ATP10B: variants seen among roughly 807,000 people sequenced by gnomAD.
The protein encoded by ATP10B is phospholipid-transporting ATPase VB.
Under a neutral mutation model 141.2 loss-of-function variants are expected in ATP10B, and 122 were observed. That is an observed-to-expected ratio of 0.86 (90% CI 0.75 to 1.00). ATP10B has a LOEUF of 1.00. Ranked by LOEUF, ATP10B falls within the 50% of genes least tolerant of loss-of-function variation. ATP10B has a pLI of 0.00. For synonymous variants in ATP10B, 685 were observed against 692.0 expected (o/e 0.99, Z 0.16); for missense variants, 1,876 against 1,825.3 (o/e 1.03, Z -0.51).
intron 2 of ATP10B, among the ~76,000 whole-genome samples, chr5:160,756,196 ATTATT>A (rs1373008699): frequency 1.3e-5 from 2 of 150,970 alleles, no homozygotes; most frequent in Non-Finnish European, 3.0e-5. Context: ...TTGAATCTTA[ATTATT>A]TTGAGTTTGA....
the ATP10B span, among the ~76,000 whole-genome samples, chr5:160,868,093 T>C: frequency 1.3e-5 from 2 of 152,148 alleles, no homozygotes; most frequent in African/African-American, 2.4e-5. Context: ...GCCTGAGTTG[T>C]ACAGTTATGT....
chr5:160,615,947 G>T lies in ATP10B; in HGVS notation c.2544C>A (p.Asp848Glu). 1 of 1,613,902 alleles carries T rather than the reference G, an allele frequency of 6.2e-7. No homozygotes were observed. The highest frequency in any genetic ancestry group is 8.5e-7 in the Non-Finnish European group (1 of 1,179,816). Residue 848 changes from aspartate (D) to glutamate (E), a missense_variant, in exon 17 of 26, where the codon GAC becomes GAA. Asp to Glu is a conservative substitution (Grantham distance 45). Coordinates refer to ENST00000327245, the MANE Select transcript of ATP10B (RefSeq NM_025153.3). ...GCCGGAAACTGGCCCATCTCCGGAA[G>T]TCCTCTTCGCTTACAACCTATGGGA... Reference protein sequence around the residue: ...CIAKKVVSEEDFRRWASFRRE... With the variant: ...CIAKKVVSEEEFRRWASFRRE...
chr5:160,597,847 C>T (rs1367546147), intron 22 of ATP10B, among the ~76,000 whole-genome samples: 2 of 151,996 alleles, frequency 1.3e-5, no homozygotes, highest in African/African-American at 4.8e-5. Flanking sequence ...CAATGAGATA[C>T]CATCTCACAC....
At chr5:160,877,547 G>C in the ATP10B span, among the ~76,000 whole-genome samples, 11 of 149,968 alleles carry the variant, frequency 7.3e-5, no homozygotes, top group African/African-American at 2.7e-4. Context: ...CAATCAGGCA[G>C]GAGAAGGAAA....
At chr5:160,780,600 T>A (rs1018921395) in intron 2 of ATP10B, among the ~76,000 whole-genome samples, 1 of 152,168 alleles carries the variant, frequency 6.6e-6, no homozygotes, top group South Asian at 2.1e-4. Context: ...TTTTCCCCCT[T>A]TACCCCAGTG....
the ATP10B span, among the ~76,000 whole-genome samples, chr5:160,887,593 A>G: frequency 6.6e-6 from 1 of 152,054 alleles, no homozygotes; most frequent in Non-Finnish European, 1.5e-5. Context: ...GTCTTACACA[A>G]TCTTGCTCCA....
intron 2 of ATP10B, among the ~76,000 whole-genome samples, chr5:160,781,744 C>T (rs1478001138): frequency 6.6e-6 from 1 of 152,098 alleles, no homozygotes; most frequent in African/African-American, 2.4e-5. Flanking sequence ...TTTATTCCTA[C>T]TTTAATTTTC....
chr5:160,832,376 A>G (rs1775148431), intron 1 of ATP10B, among the ~76,000 whole-genome samples: 1 of 152,150 alleles, frequency 6.6e-6, no homozygotes. Context: ...CTATATAAAT[A>G]CTCAAAAGAA....
chr5:160,877,757 C>T, the ATP10B span, among the ~76,000 whole-genome samples: 1 of 116,354 alleles, frequency 8.6e-6, no homozygotes, highest in Non-Finnish European at 2.0e-5. Context: ...AAACAGAGAG[C>T]CAAATCATGA....
At chr5:160,830,305 C>T (rs1035400287) in intron 1 of ATP10B, among the ~76,000 whole-genome samples, 1 of 151,804 alleles carries the variant, frequency 6.6e-6, no homozygotes, top group African/African-American at 2.4e-5. Flanking sequence ...AAAAATATTC[C>T]CAAATGCACT....
intron 2 of ATP10B, among the ~76,000 whole-genome samples, chr5:160,762,151 T>C (rs1318062733): frequency 6.6e-6 from 1 of 152,200 alleles, no homozygotes; most frequent in Non-Finnish European, 1.5e-5. Flanking sequence ...TTTGAGGGAA[T>C]AATTGAGGAA....
At chr5:160,569,382 A>G (rs1428283352) in intron 25 of ATP10B, 114 bp downstream of exon 25, 4 of 1,004,582 alleles carry the variant, frequency 4.0e-6, no homozygotes, top group Non-Finnish European at 5.9e-6. Context: ...TTTCTGAAAC[A>G]TTAGCCTCAA....
rs1228029255 is a variant in ATP10B at position 160,711,625 on chromosome 5, C to T, written c.-205+5284G>A. ...TTATTTCCTTCTCCTGCCTGATTGC[C>T]CTGGCCAGAACTTCCAACACTATGT... On this transcript the variant is annotated intron_variant, in intron 3 of 25. Transcript: ENST00000327245. Among the ~76,000 whole-genome samples the T allele has an allele frequency of 8.4e-5, 2 of 23,898 alleles. 1 individual carries two copies. The highest frequency in any genetic ancestry group is 3.1e-4 in the African/African-American group (2 of 6,508). 15.7% of individuals were successfully genotyped at this position (23,898 alleles called of 152,430 possible).
At position 160,632,111 on chromosome 5, in the gene ATP10B, G is replaced by A; in HGVS notation, c.1620+18C>T. On this transcript the variant is annotated intron_variant, in intron 13 of 25. Coordinates refer to ENST00000327245, the MANE Select transcript of ATP10B (RefSeq NM_025153.3). ...CCCACAGAACACTTACAGTTCAAAG[G>A]CAAAAGTCAGGACTTACTATGGAGC... 1 of 1,596,972 alleles carries A rather than the reference G, an allele frequency of 6.3e-7. No homozygotes were observed. The highest frequency in any genetic ancestry group is 8.6e-7 in the Non-Finnish European group (1 of 1,168,260).
chr5:160,820,025 G>C (rs1773979039), intron 1 of ATP10B, among the ~76,000 whole-genome samples: 2 of 151,496 alleles, frequency 1.3e-5, no homozygotes, highest in Admixed American at 1.3e-4. Context: ...GAAATAATAA[G>C]GATCAGAGCA....
intron 24 of ATP10B, among the ~76,000 whole-genome samples, chr5:160,579,863 C>G (rs1341805115): frequency 6.6e-6 from 1 of 152,262 alleles, no homozygotes; most frequent in East Asian, 1.9e-4. Context: ...TCTAGTTCTC[C>G]TTGAAGATGT....
At chr5:160,907,000 C>T in the ATP10B span, among the ~76,000 whole-genome samples, 1 of 152,148 alleles carries the variant, frequency 6.6e-6, no homozygotes, top group Non-Finnish European at 1.5e-5. Context: ...TGTGGCCACT[C>T]AGGCTCCACT....
intron 2 of ATP10B, among the ~76,000 whole-genome samples, chr5:160,775,750 G>A (rs528020853): frequency 7.0e-6 from 1 of 142,816 alleles, no homozygotes; most frequent in African/African-American, 2.6e-5. Flanking sequence ...GCGCGATCTC[G>A]GCTCGCTGCA....
chr5:160,872,333 T>C, the ATP10B span, among the ~76,000 whole-genome samples: 4 of 152,312 alleles, frequency 2.6e-5, no homozygotes, highest in South Asian at 8.3e-4. Context: ...GGGTTGTCTG[T>C]TTACTCTGCT....
Sources: allele counts gnomAD v4.1 joint callset (sites outside exome capture counted in the v4.1 genomes callset), GRCh38; gene constraint gnomAD v4.1.1; transcripts MANE v1.5; gene names NCBI Gene and HGNC (gene_info 2026-07-23, HGNC 2026-07-21).